The following USP8 variants were observed in gnomAD, a reference collection of about 807,000 sequenced individuals.
USP8 encodes ubiquitin carboxyl-terminal hydrolase 8.
In USP8, 27 loss-of-function variants were observed where a neutral mutation model predicts 130.0. The ratio of observed to expected loss-of-function variants is 0.21; its 90% CI spans 0.15 to 0.29. The LOEUF is 0.29. USP8 is among the 10% of genes least tolerant of loss of function. The pLI is 1.00. For missense variants in USP8, 1,029 were observed against 1,312.2 expected (o/e 0.78, Z 3.33); for synonymous variants, 392 against 444.1 (o/e 0.88, Z 1.48).
intron 9 of USP8, 137 bp from the exon 10 acceptor site, chr15:50,477,139 C>G (rs111405671): frequency 9.0e-6 from 12 of 1,331,222 alleles, no homozygotes; most frequent in African/African-American, 9.0e-5. Context: ...CCTGGAAGTT[C>G]ACATTTTCTT....
At chr15:50,470,715 T>A (rs1488799965) in intron 7 of USP8, among the ~76,000 whole-genome samples, 2 of 151,270 alleles carry the variant, frequency 1.3e-5, no homozygotes, top group South Asian at 2.1e-4. Context: ...CAATTCTGCC[T>A]CAGCCTCCTC....
chr15:50,438,360 G>T (rs1361716151), intron 1 of USP8, among the ~76,000 whole-genome samples: 1 of 152,198 alleles, frequency 6.6e-6, no homozygotes, highest in African/African-American at 2.4e-5. Context: ...AAGGCAGGTG[G>T]ATCACTTAAG....
In USP8 at chr15:50,500,608, C is replaced by T; in HGVS notation, c.*1520C>T. The T allele has an allele frequency of 1.7e-6, 1 of 599,284 alleles. No homozygotes were observed. The highest frequency in any genetic ancestry group is 2.9e-6 in the Non-Finnish European group (1 of 342,424). 37.1% of individuals were successfully genotyped at this position (599,284 alleles called of 1,614,324 possible). A position where few individuals can be genotyped will look rare whatever the true frequency, so the allele number is the denominator to read the frequency against. ...CCAAGCAAAACTCTACCACCAGATG[C>T]TGACTGCTTGTTTTGCAGTGTTCAG... On this transcript the variant is annotated 3_prime_UTR_variant, in exon 20 of 20. Coordinates refer to ENST00000307179, the MANE Select transcript of USP8 (RefSeq NM_005154.5).
intron 1 of USP8, among the ~76,000 whole-genome samples, chr15:50,431,802 G>A (rs146407569): frequency 0.036 from 5,478 of 152,158 alleles, 140 homozygotes; most frequent in Middle Eastern, 0.058. Context: ...AATTACAGGC[G>A]TCCACCACCA....
intron 1 of USP8, among the ~76,000 whole-genome samples, chr15:50,430,571 ATTTTTTTATT>A (rs1348036319): frequency 1.3e-5 from 2 of 151,224 alleles, no homozygotes; most frequent in East Asian, 3.9e-4. Flanking sequence ...CTAATTTTTT[ATTTTTTTATT>A]TTTTTTTTGT....
chr15:50,441,329 A>G lies in USP8; in HGVS notation c.105-20A>G. On this transcript the variant is annotated intron_variant, in intron 2 of 19. Coordinates refer to ENST00000307179, the MANE Select transcript of USP8 (RefSeq NM_005154.5). ...CCAGATGTCAATTGCTTTAATTATT[A>G]TTTTTTCTCTAATTTTAAGTTATGT... is the stretch of plus-strand genomic sequence containing the variant. The G allele has an allele frequency of 6.4e-7, 1 of 1,567,204 alleles. No individual in the cohort carries two copies. Among genetic ancestry groups the G allele is most frequent in the Non-Finnish European group, 8.6e-7 (1 of 1,166,946 alleles).
chr15:50,431,165 C>CTGTGTGTGTGTGTGTGTGTGTG (rs56771450), intron 1 of USP8, among the ~76,000 whole-genome samples: 17,852 of 140,764 alleles, frequency 0.13, 1,387 homozygotes, highest in African/African-American at 0.16. Context: ...GTGTGTGCCT[C>CTGTGTGTGTGTGTGTGTGTGTG]TGTGTGTGTG....
chr15:50,468,755 C>A (rs1167842805), intron 7 of USP8, among the ~76,000 whole-genome samples: 1 of 152,030 alleles, frequency 6.6e-6, no homozygotes, highest in Non-Finnish European at 1.5e-5. Flanking sequence ...TCTTTGTGTT[C>A]ATAAGTTCTT....
Position 50,465,029 on chromosome 15 carries a change from GTC to G in USP8, c.542-11_542-10del. ...TGTGCTGTTTCTTGTCACTTACACT[GTC>G]TCTCTCAATTCCAAGGAGCAATCAC... On this transcript the variant is annotated splice_polypyrimidine_tract_variant and intron_variant, in intron 6 of 19. Coordinates refer to ENST00000307179, the MANE Select transcript of USP8 (RefSeq NM_005154.5). The G allele has an allele frequency of 6.2e-7, 1 of 1,612,434 alleles. No homozygotes were observed. The highest frequency in any genetic ancestry group is 8.5e-7 in the Non-Finnish European group (1 of 1,179,108).
At chr15:50,483,963 A>G (rs1288704504) in intron 11 of USP8, among the ~76,000 whole-genome samples, 1 of 152,204 alleles carries the variant, frequency 6.6e-6, no homozygotes, top group Non-Finnish European at 1.5e-5. Context: ...TAAATAAAAG[A>G]ATAATGTTCA....
At position 50,494,299 on chromosome 15, in the gene USP8, C is replaced by CTAAG. The variant is rs754382753; in HGVS notation, c.2658+21_2658+24dup. The CTAAG allele has an allele frequency of 1.5e-5, 23 of 1,582,814 alleles. No homozygotes were observed. The African/African-American group carries it at 2.9e-4, about 20-fold the overall frequency. ...AAATAAAGTAAGAAATTTGATTTTT[C>CTAAG]TAAGTTGCAGAGACTCTTTAGGGTT... On this transcript the variant is annotated intron_variant, in intron 16 of 19. Transcript: ENST00000307179.
Position 50,499,115 on chromosome 15 carries a change from C to T in USP8, c.*27C>T, listed in dbSNP as rs1193937272. On this transcript the variant is annotated 3_prime_UTR_variant, in exon 20 of 20. Transcript: ENST00000307179. Reference sequence around the variant, plus strand: ...GAGACATAGGTTATAAACTAGTTATCTTTTAAAAGGCTCAGCAACACAACT... The same window carrying T: ...GAGACATAGGTTATAAACTAGTTATTTTTTAAAAGGCTCAGCAACACAACT... 2 of 1,550,260 alleles carry T rather than the reference C, an allele frequency of 1.3e-6. No individual in the cohort carries two copies. The highest frequency in any genetic ancestry group is 2.3e-5 in the East Asian group (1 of 44,122).
rs1371482702 is a variant in USP8, at chr15:50,513,954, A to T, written c.*14866A>T. On this transcript the variant is annotated 3_prime_UTR_variant, in exon 20 of 20. Transcript: ENST00000307179. The stretch of plus-strand genomic sequence containing the variant: ...AGAACTGTGTACACTATGTTCACCA[A>T]AAAACAAGAATGTTTATAGCAACCC... 1 of 152,222 alleles carries T rather than the reference A, an allele frequency of 6.6e-6. No individual in the cohort carries two copies. The highest frequency in any genetic ancestry group is 1.5e-5 in the Non-Finnish European group (1 of 68,038). The allele number at this position is 152,222 out of a possible 1,614,324, so 9.4% of individuals were successfully genotyped here.
chr15:50,491,890 G>A (rs1482578815), intron 14 of USP8, among the ~76,000 whole-genome samples: 1 of 151,438 alleles, frequency 6.6e-6, no homozygotes, highest in African/African-American at 2.4e-5. Flanking sequence ...TTTTTGAGAC[G>A]GAATCTCACC....
chr15:50,493,708 A>G (rs952230894), intron 15 of USP8: 1 of 375,652 alleles, frequency 2.7e-6, no homozygotes, highest in Middle Eastern at 9.3e-4. Flanking sequence ...TTGTGCCGCT[A>G]TACTCCACCA....
In USP8 at chr15:50,507,283, T is replaced by TAAAAC. The variant is rs1269695407; in HGVS notation, c.*8203_*8207dup. On this transcript the variant is annotated 3_prime_UTR_variant, in exon 20 of 20. Coordinates refer to ENST00000307179, the MANE Select transcript of USP8 (RefSeq NM_005154.5). ...GGGGCACAGAGTGAGACTCTGTCTC[T>TAAAAC]AAAACAAAACAACAACAACAACAAA... 2.0e-5 allele frequency: 3 copies of TAAAAC among 152,318 alleles called. No homozygotes were observed. The highest frequency in any genetic ancestry group is 4.4e-5 in the Non-Finnish European group (3 of 68,188). The allele number at this position is 152,318 out of a possible 1,614,324, so 9.4% of individuals were successfully genotyped here. A position where few individuals can be genotyped will look rare whatever the true frequency, so the allele number is the denominator to read the frequency against.
chr15:50,485,291 A>C (rs1402603412), intron 12 of USP8, among the ~76,000 whole-genome samples: 1 of 148,964 alleles, frequency 6.7e-6, no homozygotes, highest in African/African-American at 2.5e-5. Context: ...TAAAAATACA[A>C]AAAAAAAAAT....
At chr15:50,438,761 G>C (rs764773298) in intron 1 of USP8, among the ~76,000 whole-genome samples, 2 of 152,060 alleles carry the variant, frequency 1.3e-5, no homozygotes, top group Non-Finnish European at 2.9e-5. Flanking sequence ...CCTTTGACAG[G>C]TAAGATTCCC....
chr15:50,467,795 A>G (rs1363372016), intron 7 of USP8, among the ~76,000 whole-genome samples: 1 of 151,974 alleles, frequency 6.6e-6, no homozygotes, highest in Admixed American at 6.6e-5. Context: ...GGGCTCAAAC[A>G]GTCCTCCCAC....
Sources: allele counts gnomAD v4.1 joint callset (sites outside exome capture counted in the v4.1 genomes callset), GRCh38; gene constraint gnomAD v4.1.1; transcripts MANE v1.5; gene names NCBI Gene and HGNC (gene_info 2026-07-23, HGNC 2026-07-21).